Variants in KLF7 observed in about 807,000 individuals in gnomAD.
KLF7 encodes the protein Krueppel-like factor 7.
A neutral mutation model predicts 27.3 loss-of-function variants in KLF7; 2 were observed. The observed-to-expected ratio is 0.07, with a 90% CI of 0.03 to 0.23. The LOEUF (loss-of-function observed/expected upper bound fraction) is 0.23, where lower values mean the gene tolerates loss of function less well. Ranked by LOEUF, KLF7 falls within the 10% of genes least tolerant of loss-of-function variation. The pLI is 1.00. For synonymous variants in KLF7, 165 were observed against 162.4 expected (o/e 1.02, Z -0.12); for missense variants, 221 against 394.1 (o/e 0.56, Z 3.72).
In KLF7 at chr2:207,081,078, T is replaced by TGTGC. The variant is rs1187413408; in HGVS notation, c.*134_*135insGCAC. 2 of 735,072 alleles carry TGTGC rather than the reference T, an allele frequency of 2.7e-6. No homozygotes were observed. The highest frequency in any genetic ancestry group is 4.9e-6 in the Non-Finnish European group (2 of 404,978). The allele number at this position is 735,072 out of a possible 1,614,324, so 45.5% of individuals were successfully genotyped here. On this transcript the variant is annotated 3_prime_UTR_variant, in exon 4 of 4. Coordinates refer to ENST00000309446, the MANE Select transcript of KLF7 (RefSeq NM_003709.4). ...GTGTGTATATGTGTGTGTGTGTGTG[T>TGTGC]GTGTGTACAGAGGTTTATAAGTGAG...
intron 2 of KLF7, among the ~76,000 whole-genome samples, chr2:207,098,460 TCA>T (rs1364860646): frequency 6.6e-6 from 1 of 152,192 alleles, no homozygotes; most frequent in Non-Finnish European, 1.5e-5. Context: ...AGTCAAGTTC[TCA>T]CAATTCAATT....
chr2:207,164,602 C>T (rs2078645705), intron 1 of KLF7, among the ~76,000 whole-genome samples: 1 of 152,196 alleles, frequency 6.6e-6, no homozygotes, highest in Admixed American at 6.5e-5. Context: ...GAACTTGTCA[C>T]CAGCCCCACT....
At chr2:207,116,202 C>T (rs148926141) in intron 2 of KLF7, among the ~76,000 whole-genome samples, 173 of 152,308 alleles carry the variant, frequency 1.1e-3, no homozygotes, top group African/African-American at 3.9e-3. Flanking sequence ...GATTCCCAAA[C>T]AGCTGCATTT....
intron 1 of KLF7, among the ~76,000 whole-genome samples, chr2:207,158,744 C>T (rs1252276660): frequency 6.6e-6 from 1 of 152,126 alleles, no homozygotes; most frequent in Admixed American, 6.5e-5. Context: ...CCAAAATATT[C>T]GATAACTTGT....
chr2:207,133,987 T>C (rs953640552), intron 1 of KLF7: 5 of 1,066,180 alleles, frequency 4.7e-6, no homozygotes, highest in Middle Eastern at 2.0e-4. Context: ...CCCGCTCTTA[T>C]GCACCCCCAC....
At chr2:207,150,786 G>T (rs758566671) in intron 1 of KLF7, among the ~76,000 whole-genome samples, 3 of 151,962 alleles carry the variant, frequency 2.0e-5, no homozygotes, top group African/African-American at 7.3e-5. Context: ...CATTCCATCT[G>T]TACAATCATT....
intron 2 of KLF7, among the ~76,000 whole-genome samples, chr2:207,113,407 C>T (rs576302082): frequency 3.9e-5 from 6 of 152,148 alleles, no homozygotes; most frequent in African/African-American, 1.4e-4. Context: ...GATGAGGGGC[C>T]GCAGGTGCCA....
At chr2:207,167,272 G>T (rs1040699214), upstream of KLF7, 21 of 723,530 alleles carry the variant, frequency 2.9e-5, no homozygotes, top group Non-Finnish European at 1.2e-5. Flanking sequence ...CACAATTCAC[G>T]TTAGGGTTGG....
In KLF7 at chr2:207,136,478, A is replaced by G. The variant is rs1187638792; in HGVS notation, c.103-12074T>C. 2.6e-5 allele frequency among the ~76,000 whole-genome samples: 4 copies of G among 152,108 alleles called. No homozygotes were observed. The East Asian group carries it at 7.7e-4, about 29-fold the overall frequency. On this transcript the variant is annotated intron_variant, in intron 1 of 3. Transcript: ENST00000309446. ...TTTTCATCGATTATGTCTTAGCTTC[A>G]TTGTCACCTACTCAGAGAATCCTTC...
intron 2 of KLF7, among the ~76,000 whole-genome samples, chr2:207,088,880 A>G (rs979907047): frequency 6.6e-6 from 1 of 152,154 alleles, no homozygotes; most frequent in Admixed American, 6.5e-5. Flanking sequence ...GTGAAGGATC[A>G]ATTTTTATTT....
In KLF7 at chr2:207,165,722, A is replaced by C; in HGVS notation, c.-154T>G. 2 of 1,460,294 alleles carry C rather than the reference A, an allele frequency of 1.4e-6. No individual in the cohort carries two copies. Among genetic ancestry groups the C allele is most frequent in the Non-Finnish European group, 1.8e-6 (2 of 1,113,666 alleles). The allele number at this position is 1,460,294 out of a possible 1,614,324, so 90.5% of individuals were successfully genotyped here. On this transcript the variant is annotated 5_prime_UTR_variant, in exon 1 of 4. Coordinates refer to ENST00000309446, the MANE Select transcript of KLF7 (RefSeq NM_003709.4). Reference sequence around the variant, plus strand: ...TTTCAGTCAACTAAAAAGGAAAAAAAAAAATCAATGCAGGAGAGGGAGAGA... The same window carrying C: ...TTTCAGTCAACTAAAAAGGAAAAAACAAAATCAATGCAGGAGAGGGAGAGA...
At chr2:207,120,412 CATTTT>C (rs1322446851) in intron 2 of KLF7, among the ~76,000 whole-genome samples, 4 of 152,208 alleles carry the variant, frequency 2.6e-5, no homozygotes, top group South Asian at 4.1e-4. Flanking sequence ...AAGACACACA[CATTTT>C]ATTTTACTTC....
At chr2:207,167,094 CTGGA>C, upstream of KLF7, 1 of 1,392,834 alleles carries the variant, frequency 7.2e-7, no homozygotes, top group Non-Finnish European at 9.3e-7. Context: ...GGGGCGCAAG[CTGGA>C]GCCGGCAGCT....
intron 2 of KLF7, among the ~76,000 whole-genome samples, chr2:207,106,090 T>C (rs1347504223): frequency 2.0e-5 from 3 of 152,260 alleles, no homozygotes; most frequent in Non-Finnish European, 2.9e-5. Context: ...TTTTTAAATG[T>C]GCATGCTAGA....
chr2:207,108,614 T>C (rs2076944471), intron 2 of KLF7, among the ~76,000 whole-genome samples: 2 of 152,240 alleles, frequency 1.3e-5, no homozygotes, highest in Non-Finnish European at 2.9e-5. Flanking sequence ...TAGATCCTTT[T>C]GGCAGAATGC....
chr2:207,099,770 T>C (rs2076720729), intron 2 of KLF7, among the ~76,000 whole-genome samples: 1 of 151,826 alleles, frequency 6.6e-6, no homozygotes, highest in African/African-American at 2.4e-5. Context: ...CTTAAGCATA[T>C]CACTAGTTCA....
intron 1 of KLF7, among the ~76,000 whole-genome samples, chr2:207,157,218 G>GTAAAAAAAAAAAAAAAAAAAAAAAAAAAA (rs2078407721): frequency 1.2e-4 from 2 of 16,438 alleles, no homozygotes; most frequent in African/African-American, 2.8e-4. Flanking sequence ...CAACAGAAAA[G>GTAAAAAAAAAAAAAAAAAAAAAAAAAAAA]TAAAAAAAAA....
chr2:207,102,393 G>A (rs1018689930), intron 2 of KLF7, among the ~76,000 whole-genome samples: 1 of 152,064 alleles, frequency 6.6e-6, no homozygotes, highest in Non-Finnish European at 1.5e-5. Flanking sequence ...CTTTGGAAGG[G>A]GGAAAAAGAG....
intron 1 of KLF7, among the ~76,000 whole-genome samples, chr2:207,165,266 G>C (rs1220619848): frequency 1.3e-5 from 2 of 152,124 alleles, no homozygotes; most frequent in Non-Finnish European, 1.5e-5. Flanking sequence ...TGCTCAGCTC[G>C]GCACTCTACG....
Sources: allele counts gnomAD v4.1 joint callset (sites outside exome capture counted in the v4.1 genomes callset), GRCh38; gene constraint gnomAD v4.1.1; transcripts MANE v1.5; gene names NCBI Gene and HGNC (gene_info 2026-07-23, HGNC 2026-07-21).